Variants in ZNF732 observed in about 807,000 individuals in gnomAD.
ZNF732 encodes zinc finger protein LOC654254.
A neutral mutation model predicts 11.5 loss-of-function variants in ZNF732; 12 were observed. The observed-to-expected ratio is 1.05, with a 90% CI of 0.67 to 1.70. The LOEUF (loss-of-function observed/expected upper bound fraction) is 1.70, where lower values mean the gene tolerates loss of function less well. ZNF732 is among the 40% of genes most tolerant of loss of function. ZNF732 has a pLI of 0.00. For synonymous variants in ZNF732, 231 were observed against 236.5 expected (o/e 0.98, Z 0.21); for missense variants, 702 against 676.9 (o/e 1.04, Z -0.41).
intron 3 of ZNF732, among the ~76,000 whole-genome samples, chr4:275,963 A>G (rs1386496713): frequency 1.3e-5 from 2 of 151,732 alleles, no homozygotes; most frequent in African/African-American, 4.8e-5. Flanking sequence ...TTCTAAAAAT[A>G]TAGTGCATAA....
At chr4:291,564 A>G (rs943838179) in intron 3 of ZNF732, among the ~76,000 whole-genome samples, 1 of 152,236 alleles carries the variant, frequency 6.6e-6, no homozygotes, top group Non-Finnish European at 1.5e-5. Context: ...TAGACACTAA[A>G]TGATGACAGA....
In ZNF732 at chr4:271,166, C is replaced by A; in HGVS notation, c.1691G>T (p.Gly564Val). 6.4e-7 allele frequency: 1 copy of A among 1,552,942 alleles called. No individual in the cohort carries two copies. Among genetic ancestry groups the A allele is most frequent in the African/African-American group, 1.4e-5 (1 of 73,062 alleles). Residue 564 changes from glycine to valine, a missense_variant, in exon 4 of 4, where the codon GGC becomes GTC. Coordinates refer to ENST00000419098, the MANE Select transcript of ZNF732 (RefSeq NM_001137608.3). ...GDKTPKCKGCGKAFKWSSYLN... is the reference protein window; with the variant it reads ...GDKTPKCKGCVKAFKWSSYLN... ...GTATGAGGACCACTTAAAGGCTTTG[C>A]CACATCCTTTACATTTGGGGGTTTT... is the stretch of plus-strand genomic sequence containing the variant.
chr4:304,100 C>G (rs544449406), intron 1 of ZNF732, among the ~76,000 whole-genome samples: 1 of 152,146 alleles, frequency 6.6e-6, no homozygotes, highest in South Asian at 2.1e-4. Context: ...CTTCCTGGCA[C>G]TGTGTGTGTT....
intron 3 of ZNF732, among the ~76,000 whole-genome samples, chr4:281,203 T>C (rs1719613686): frequency 1.3e-5 from 2 of 152,058 alleles, no homozygotes; most frequent in Non-Finnish European, 2.9e-5. Context: ...CTCTGTCATC[T>C]AGAGTCTGGA....
chr4:280,942 G>A (rs1719607481), intron 3 of ZNF732, among the ~76,000 whole-genome samples: 1 of 152,136 alleles, frequency 6.6e-6, no homozygotes, highest in African/African-American at 2.4e-5. Flanking sequence ...TGGTGTGGAA[G>A]GAATCCTGCC....
chr4:273,882 ACTT>A (rs1719441373), intron 3 of ZNF732, among the ~76,000 whole-genome samples: 1 of 151,516 alleles, frequency 6.6e-6, no homozygotes, highest in South Asian at 2.1e-4. Context: ...AAAAAAAAAA[ACTT>A]CTATGTGGGA....
At chr4:301,514 T>C (rs754467724) in intron 1 of ZNF732, among the ~76,000 whole-genome samples, 85 of 152,202 alleles carry the variant, frequency 5.6e-4, no homozygotes, top group Non-Finnish European at 8.7e-4. Context: ...GTGGCACATA[T>C]ACACCATGGA....
rs1560164945 is a variant in ZNF732, at chr4:299,362, CACAT to C, written c.4-3211_4-3208del. 9.3e-3 allele frequency among the ~76,000 whole-genome samples: 992 copies of C among 106,230 alleles called. 26 individuals are homozygous for C. The highest frequency in any genetic ancestry group is 0.03 in the African/African-American group (945 of 31,210). 69.7% of individuals were successfully genotyped at this position (106,230 alleles called of 152,430 possible). On this transcript the variant is annotated intron_variant, in intron 1 of 3. Coordinates refer to ENST00000419098, the MANE Select transcript of ZNF732 (RefSeq NM_001137608.3). ...TTATGAGTATATATACACATATATACACATATGTGTATATATATATACACATATG... is the reference window on the plus strand; with the variant it reads ...TTATGAGTATATATACACATATATACATGTGTATATATATATACACATATG...
intron 3 of ZNF732, among the ~76,000 whole-genome samples, chr4:286,984 C>G (rs1719743845): frequency 6.6e-6 from 1 of 152,006 alleles, no homozygotes. Context: ...AACCCCGTCT[C>G]TACTAAAAAT....
chr4:277,602 CA>C (rs57017607), intron 3 of ZNF732, among the ~76,000 whole-genome samples: 40 of 146,262 alleles, frequency 2.7e-4, no homozygotes, highest in Non-Finnish European at 5.3e-4. Context: ...ATTAGAAAGA[CA>C]AAAAAAAATG....
At chr4:279,445 C>CA (rs71166804) in intron 3 of ZNF732, among the ~76,000 whole-genome samples, 60,119 of 130,762 alleles carry the variant, frequency 0.46, 13,699 homozygotes, top group East Asian at 0.71. Context: ...GACTCCGTCT[C>CA]AAAAAAAAAA....
At position 305,346 on chromosome 4, in the gene ZNF732, C is replaced by T. The variant is rs545557377; in HGVS notation, c.-36G>A. 2 of 1,607,220 alleles carry T rather than the reference C, an allele frequency of 1.2e-6. No individual in the cohort carries two copies. Among genetic ancestry groups the T allele is most frequent in the East Asian group, 4.5e-5 (2 of 44,780 alleles). On this transcript the variant is annotated 5_prime_UTR_variant, in exon 1 of 4. Transcript: ENST00000419098. ...CAGGGGTGTAGCGGAGTCTCAGCTACGAATCATCCAATACCCGCAGGTCAC... is the reference window on the plus strand; with the variant it reads ...CAGGGGTGTAGCGGAGTCTCAGCTATGAATCATCCAATACCCGCAGGTCAC...
intron 1 of ZNF732, among the ~76,000 whole-genome samples, chr4:304,739 C>CGAACAGA (rs1248030910): frequency 5.3e-5 from 8 of 152,244 alleles, no homozygotes; most frequent in African/African-American, 1.4e-4. Context: ...CTAAAAGATG[C>CGAACAGA]CACTCAGGAA....
At chr4:290,805 G>A (rs566115401) in intron 3 of ZNF732, among the ~76,000 whole-genome samples, 25 of 152,262 alleles carry the variant, frequency 1.6e-4, no homozygotes, top group Non-Finnish European at 3.4e-4. Context: ...ACAATGCACA[G>A]CAGACCCAGC....
At position 299,577 on chromosome 4, in the gene ZNF732, AATT is replaced by A. The variant is rs1560165491; in HGVS notation, c.4-3425_4-3423del. On this transcript the variant is annotated intron_variant, in intron 1 of 3. Transcript: ENST00000419098. ...TGTATATATATAGTTTTATATATAT[AATT>A]TATATATAAATATATATTTATAAAT... Among the ~76,000 whole-genome samples, 47 of 139,682 alleles carry A rather than the reference AATT, an allele frequency of 3.4e-4. 1 individual carries two copies. Among genetic ancestry groups the A allele is most frequent in the African/African-American group, 1.2e-3 (46 of 37,326 alleles). 91.6% of individuals were successfully genotyped at this position (139,682 alleles called of 152,430 possible). A position where few individuals can be genotyped will look rare whatever the true frequency, so the allele number is the denominator to read the frequency against.
intron 3 of ZNF732, 40 bp downstream of exon 3, chr4:295,398 C>T (rs1669428818): frequency 6.5e-7 from 1 of 1,532,918 alleles, no homozygotes; most frequent in Admixed American, 1.9e-5. Context: ...GGACCTTGGT[C>T]CCCTGGCCTG....
intron 3 of ZNF732, among the ~76,000 whole-genome samples, chr4:291,711 T>TA (rs1183864172): frequency 1.3e-5 from 2 of 152,196 alleles, no homozygotes; most frequent in Non-Finnish European, 2.9e-5. Context: ...ACAGTAATAG[T>TA]AAACACAATT....
chr4:305,013 G>A (rs1005523885), intron 1 of ZNF732, among the ~76,000 whole-genome samples: 2 of 152,208 alleles, frequency 1.3e-5, no homozygotes, highest in Admixed American at 1.3e-4. Context: ...GCTCCTCCCA[G>A]GCGGGCACCT....
chr4:272,305 T>C lies in ZNF732; in HGVS notation c.552A>G (p.Gln184=), dbSNP rs370262782. Residue 184 remains glutamine, a synonymous_variant, in exon 4 of 4, where the codon CAA becomes CAG. Coordinates refer to ENST00000419098, the MANE Select transcript of ZNF732 (RefSeq NM_001137608.3). ...TCTCTCCAGCATGAATTCCTTGATG[T>C]TGAGTTAGGTCTGAGAACTTCTGAA... ...KSFQKFSDLT[Q]HQGIHAGEKP... 8.7e-4 allele frequency: 1,400 copies of C among 1,612,812 alleles called. No homozygotes were observed. The highest frequency in any genetic ancestry group is 1.2e-3 in the Non-Finnish European group (1,363 of 1,179,296).
Sources: allele counts gnomAD v4.1 joint callset (sites outside exome capture counted in the v4.1 genomes callset), GRCh38; gene constraint gnomAD v4.1.1; transcripts MANE v1.5; gene names NCBI Gene and HGNC (gene_info 2026-07-23, HGNC 2026-07-21).